CACNA1D: variants seen among roughly 807,000 people sequenced by gnomAD.
The protein encoded by CACNA1D is voltage-dependent L-type calcium channel subunit alpha-1D.
In CACNA1D, 55 loss-of-function variants were observed where a neutral mutation model predicts 257.1. The ratio of observed to expected loss-of-function variants is 0.21; its 90% CI spans 0.17 to 0.27. CACNA1D has a LOEUF of 0.27. CACNA1D is among the 10% of genes least tolerant of loss of function. The pLI is 1.00. For missense variants in CACNA1D, 1,876 were observed against 2,784.0 expected (o/e 0.67, Z 7.34); for synonymous variants, 980 against 1,014.9 (o/e 0.97, Z 0.65).
intron 3 of CACNA1D, among the ~76,000 whole-genome samples, chr3:53,505,812 G>C (rs772558866): frequency 2.0e-4 from 30 of 152,336 alleles, no homozygotes; most frequent in Non-Finnish European, 3.4e-4. Context: ...AGAGTAGCAA[G>C]AGTGCTGGGA....
At position 53,504,060 on chromosome 3, in the gene CACNA1D, T is replaced by G. The variant is rs3774416; in HGVS notation, c.483+2340T>G. Among the ~76,000 whole-genome samples the G allele has an allele frequency of 3.3e-5, 5 of 152,168 alleles. No individual in the cohort carries two copies. In the East Asian group the frequency reaches 9.6e-4, roughly 29 times the overall value. ...CATGAGGGAGCTGGTTTTTTGTTTT[T>G]TTTTTTTTAAATACATTTGACCCAA... is the stretch of plus-strand genomic sequence containing the variant. On this transcript the variant is annotated intron_variant, in intron 3 of 47. Transcript: ENST00000350061.
At chr3:53,745,349 C>T (rs1201061748) in intron 23 of CACNA1D, among the ~76,000 whole-genome samples, 3 of 151,890 alleles carry the variant, frequency 2.0e-5, no homozygotes, top group African/African-American at 7.3e-5. Flanking sequence ...CAAGCAATTC[C>T]CCTGCCTCAG....
chr3:53,528,470 A>G (rs2091839253), intron 3 of CACNA1D, among the ~76,000 whole-genome samples: 2 of 152,216 alleles, frequency 1.3e-5, no homozygotes, highest in South Asian at 4.2e-4. Context: ...AAGTTCTTCC[A>G]TTTTTGTTCT....
intron 5 of CACNA1D, among the ~76,000 whole-genome samples, chr3:53,663,698 C>CT (rs1441731452): frequency 1.3e-5 from 2 of 152,256 alleles, no homozygotes; most frequent in East Asian, 3.9e-4. Flanking sequence ...GGGTCTGAGT[C>CT]TGAGGATTTC....
At chr3:53,801,463 G>A in intron 42 of CACNA1D, 38 bp downstream of exon 42, 1 of 1,610,390 alleles carries the variant, frequency 6.2e-7, no homozygotes, top group Non-Finnish European at 8.5e-7. Context: ...CTCATGTGGT[G>A]TCTGCCCGTG....
chr3:53,693,865 A>C (rs1272821518), intron 8 of CACNA1D, among the ~76,000 whole-genome samples: 1 of 152,188 alleles, frequency 6.6e-6, no homozygotes, highest in East Asian at 1.9e-4. Context: ...TAAATATCAA[A>C]GTGTTTTGTT....
At chr3:53,572,370 GTTTGTTTATTTA>G (rs1431931315) in intron 3 of CACNA1D, among the ~76,000 whole-genome samples, 73 of 133,868 alleles carry the variant, frequency 5.5e-4, no homozygotes, top group African/African-American at 2.1e-3. Context: ...TTGTTTGTTT[GTTTGTTTATTTA>G]TTTATTTATT....
At chr3:53,809,555 A>G (rs2106895862) in intron 46 of CACNA1D, 1 of 279,334 alleles carries the variant, frequency 3.6e-6, no homozygotes. Context: ...TCTAGGATGC[A>G]TTACTCCAGA....
chr3:53,646,775 G>C (rs1191992613), intron 3 of CACNA1D, among the ~76,000 whole-genome samples: 1 of 152,234 alleles, frequency 6.6e-6, no homozygotes, highest in East Asian at 1.9e-4. Context: ...TGTGAGGACA[G>C]GGTTCTGGCT....
intron 3 of CACNA1D, among the ~76,000 whole-genome samples, chr3:53,566,791 C>T (rs981135165): frequency 1.3e-5 from 2 of 152,196 alleles, no homozygotes; most frequent in Admixed American, 6.5e-5. Context: ...CGGAAACTTG[C>T]ACCATTTAGG....
intron 3 of CACNA1D, among the ~76,000 whole-genome samples, chr3:53,615,121 C>T (rs1009835367): frequency 3.3e-5 from 5 of 152,162 alleles, no homozygotes; most frequent in Non-Finnish European, 5.9e-5. Context: ...CATTGACATC[C>T]GTGGCTTCAT....
At chr3:53,747,485 C>T (rs1024596965) in intron 26 of CACNA1D, 37 bp downstream of exon 26, 1 of 1,609,334 alleles carries the variant, frequency 6.2e-7, no homozygotes, top group Non-Finnish European at 8.5e-7. Flanking sequence ...TGGAGAGGCA[C>T]CTGCGTGCCC....
chr3:53,660,995 G>A (rs890345838), intron 5 of CACNA1D, among the ~76,000 whole-genome samples: 1 of 152,224 alleles, frequency 6.6e-6, no homozygotes, highest in African/African-American at 2.4e-5. Flanking sequence ...CAGGCCCCCA[G>A]GCCAGGTTAA....
At chr3:53,512,771 A>G (rs952346319) in intron 3 of CACNA1D, among the ~76,000 whole-genome samples, 1 of 152,200 alleles carries the variant, frequency 6.6e-6, no homozygotes, top group African/African-American at 2.4e-5. Context: ...CTGGGCATTG[A>G]GTCAACTTTT....
intron 24 of CACNA1D, 31 bp from the exon 25 acceptor site, chr3:53,745,792 T>A: frequency 6.2e-7 from 1 of 1,609,420 alleles, no homozygotes; most frequent in Non-Finnish European, 8.5e-7. Context: ...AAGCCTGCAT[T>A]TACTTAACTG....
At chr3:53,778,754 G>C (rs1184690307) in intron 37 of CACNA1D, among the ~76,000 whole-genome samples, 2 of 152,186 alleles carry the variant, frequency 1.3e-5, no homozygotes, top group East Asian at 3.9e-4. Flanking sequence ...CATTGCTGGT[G>C]TTAAAGGGAT....
chr3:53,614,907 G>A (rs1362583947), intron 3 of CACNA1D, among the ~76,000 whole-genome samples: 1 of 152,056 alleles, frequency 6.6e-6, no homozygotes, highest in Non-Finnish European at 1.5e-5. Flanking sequence ...TCACACTCCT[G>A]TGGAATAGTC....
Position 53,769,956 on chromosome 3 carries a change from TC to T in CACNA1D, c.3871-16del. On this transcript the variant is annotated splice_polypyrimidine_tract_variant and intron_variant, in intron 30 of 47. Coordinates refer to ENST00000350061, the MANE Select transcript of CACNA1D (RefSeq NM_001128840.3). Reference sequence around the variant, plus strand: ...TCCTGGTTCATTAATCCATTTTCAATCTTTGATTTCTTAAAGCCAACTGAAA... The same window carrying T: ...TCCTGGTTCATTAATCCATTTTCAATTTTGATTTCTTAAAGCCAACTGAAA... 1.2e-6 allele frequency: 2 copies of T among 1,602,000 alleles called. No homozygotes were observed. The highest frequency in any genetic ancestry group is 4.5e-5 in the East Asian group (2 of 44,826).
chr3:53,528,599 G>A (rs1290552837), intron 3 of CACNA1D, among the ~76,000 whole-genome samples: 5 of 152,098 alleles, frequency 3.3e-5, no homozygotes, highest in South Asian at 4.2e-4. Flanking sequence ...TTGAGATGAC[G>A]TCGAATCTAT....
Sources: gnomAD v4.1 joint callset for allele counts (sites outside exome capture counted in the v4.1 genomes callset) on GRCh38, gnomAD v4.1.1 for gene constraint, MANE v1.5 for transcripts, NCBI Gene and HGNC (gene_info 2026-07-23, HGNC 2026-07-21) for gene names.